The following ARHGAP39 variants were observed in gnomAD, a reference collection of about 807,000 sequenced individuals.
ARHGAP39 encodes the protein Rho GTPase activating protein 39.
In ARHGAP39, 44 loss-of-function variants were observed where a neutral mutation model predicts 106.9. The ratio of observed to expected loss-of-function variants is 0.41; its 90% confidence interval spans 0.32 to 0.53. The LOEUF (loss-of-function observed/expected upper bound fraction) is 0.53. Ranked by LOEUF, ARHGAP39 falls within the 20% of genes least tolerant of loss-of-function variation. The pLI, the probability that ARHGAP39 is intolerant of heterozygous loss-of-function variation, is 0.21. For synonymous variants in ARHGAP39, 768 were observed against 693.2 expected (o/e 1.11, Z -1.69); for missense variants, 1,496 against 1,577.3 (o/e 0.95, Z 0.87).
chr8:144,683,460 T>C (rs949188457), intron 1 of ARHGAP39: 1 of 151,084 alleles, frequency 6.6e-6, no homozygotes, highest in African/African-American at 2.4e-5. Context: ...CGATTCTCTG[T>C]CTCAGCCTCC....
At chr8:144,535,292 A>G (rs1156332500) in intron 7 of ARHGAP39, among the ~76,000 whole-genome samples, 1 of 152,200 alleles carries the variant, frequency 6.6e-6, no homozygotes, top group Admixed American at 6.5e-5. Flanking sequence ...TGTGACTGCT[A>G]AGGAGACTCT....
chr8:144,623,445 GC>G (rs1820855247), intron 1 of ARHGAP39, among the ~76,000 whole-genome samples: 1 of 152,182 alleles, frequency 6.6e-6, no homozygotes, highest in Admixed American at 6.5e-5. Context: ...AAGTATAAGG[GC>G]AGGAAATTCT....
chr8:144,654,399 G>A (rs1291303680), intron 1 of ARHGAP39, among the ~76,000 whole-genome samples: 2 of 152,132 alleles, frequency 1.3e-5, no homozygotes. Flanking sequence ...CAGTTACTCG[G>A]GAGCTGAGGT....
At chr8:144,628,860 C>T (rs1015014436) in intron 1 of ARHGAP39, among the ~76,000 whole-genome samples, 2 of 152,232 alleles carry the variant, frequency 1.3e-5, no homozygotes, top group Non-Finnish European at 2.9e-5. Context: ...CTGGGCGGGA[C>T]TCATGCGATT....
At chr8:144,695,885 G>GCTGCAC in the ARHGAP39 span, among the ~76,000 whole-genome samples, 2 of 152,154 alleles carry the variant, frequency 1.3e-5, no homozygotes, top group African/African-American at 4.8e-5. Context: ...TGCATTCTTG[G>GCTGCAC]ATGTGCTGGG....
At position 144,532,489 on chromosome 8, in the gene ARHGAP39, C is replaced by G. The variant is rs1218980398; in HGVS notation, c.2889-93G>C. On this transcript the variant is annotated intron_variant, in intron 9 of 11. Transcript: ENST00000377307. ...ACTCCCTCCGGTAGGCCCCTGCTGA[C>G]CCGGGGAGGGGAGCAAAACCTCAGG... The G allele has an allele frequency of 2.5e-6, 3 of 1,209,240 alleles. No individual in the cohort carries two copies. In the African/African-American group the frequency reaches 4.5e-5, roughly 18 times the overall value. The allele number at this position is 1,209,240 out of a possible 1,614,324, so 74.9% of individuals were successfully genotyped here. A position where few individuals can be genotyped will look rare whatever the true frequency, so the allele number is the denominator to read the frequency against.
chr8:144,626,664 C>T (rs1820924169), intron 1 of ARHGAP39, among the ~76,000 whole-genome samples: 1 of 152,258 alleles, frequency 6.6e-6, no homozygotes, highest in African/African-American at 2.4e-5. Flanking sequence ...CCAACACCAC[C>T]AGCATCTCTT....
At chr8:144,532,600 G>A (rs550596902) in intron 9 of ARHGAP39, among the ~76,000 whole-genome samples, 1 of 152,312 alleles carries the variant, frequency 6.6e-6, no homozygotes, top group South Asian at 2.1e-4. Flanking sequence ...ACCTGCGTCC[G>A]AGTGTGGTGC....
chr8:144,643,629 C>G (rs1314132475), intron 1 of ARHGAP39, among the ~76,000 whole-genome samples: 1 of 152,116 alleles, frequency 6.6e-6, no homozygotes, highest in Admixed American at 6.5e-5. Context: ...GTCTATGCCT[C>G]CACTCGACTG....
intron 1 of ARHGAP39, among the ~76,000 whole-genome samples, chr8:144,643,988 C>T (rs1215595815): frequency 6.6e-6 from 1 of 152,172 alleles, no homozygotes; most frequent in East Asian, 1.9e-4. Context: ...AGCCCTCGTA[C>T]ACTGCAAGTA....
chr8:144,593,969 G>A (rs555685671), intron 2 of ARHGAP39, among the ~76,000 whole-genome samples: 2 of 151,530 alleles, frequency 1.3e-5, no homozygotes, highest in East Asian at 3.9e-4. Flanking sequence ...CATGCCCGTA[G>A]TCCCAGCTAC....
At chr8:144,620,749 G>C (rs1003261626) in intron 1 of ARHGAP39, among the ~76,000 whole-genome samples, 10 of 152,230 alleles carry the variant, frequency 6.6e-5, no homozygotes, top group Non-Finnish European at 1.5e-4. Flanking sequence ...CCTGAGCACC[G>C]CCTGTGCCCA....
chr8:144,660,745 C>T (rs374038734), intron 1 of ARHGAP39, among the ~76,000 whole-genome samples: 8 of 152,118 alleles, frequency 5.3e-5, no homozygotes, highest in African/African-American at 1.2e-4. Flanking sequence ...TTTGGGAGGC[C>T]GAGGCAGGCA....
In ARHGAP39 at chr8:144,530,475, G is replaced by C; in HGVS notation, c.3292C>G (p.Leu1098Val). ...FENTRKEMSF[L>V]RVLIQHLDTS... ...TCCAGGTGCTGGATGAGCACCCGCA[G>C]GAAGGACATCTCCTTGCGGGTGTTC... is the stretch of plus-strand genomic sequence containing the variant. Residue 1098 changes from leucine to valine, a missense_variant, in exon 12 of 12, where the codon CTG becomes GTG. Transcript: ENST00000377307. 6.2e-7 allele frequency: 1 copy of C among 1,611,546 alleles called. No individual in the cohort carries two copies.
At position 144,542,710 on chromosome 8, in the gene ARHGAP39, G is replaced by A. The variant is rs577956324; in HGVS notation, c.2521+2539C>T. On this transcript the variant is annotated intron_variant, in intron 6 of 11. Transcript: ENST00000377307. ...TCCCAGCACTTTGGGAAACTCAGGT[G>A]GGTGGATCAACTCAGGTCAGCAGTT... 4.7e-5 allele frequency among the ~76,000 whole-genome samples: 7 copies of A among 148,112 alleles called. No homozygotes were observed. In the South Asian group the frequency reaches 1.5e-3, roughly 33 times the overall value.
chr8:144,670,539 T>C lies in ARHGAP39; in HGVS notation c.-82+15147A>G, dbSNP rs528237369. 2.0e-5 allele frequency among the ~76,000 whole-genome samples: 3 copies of C among 152,312 alleles called. No individual in the cohort carries two copies. Among genetic ancestry groups the C allele is most frequent in the African/African-American group, 7.2e-5 (3 of 41,574 alleles). ...GGGCAAGGCTTCAAGAAGACTATTT[T>C]GGGTGGGCTCTTGGTGCAGTCTGGC... On this transcript the variant is annotated intron_variant, in intron 1 of 11. Coordinates refer to ENST00000377307, the MANE Select transcript of ARHGAP39 (RefSeq NM_025251.3). This position sits in a 1 kb window ranked among gnomAD's most constrained non-coding sequence, Gnocchi z 4.4.
chr8:144,548,589 C>T lies in ARHGAP39; in HGVS notation c.597-100G>A, dbSNP rs1395890010. 1 of 1,425,222 alleles carries T rather than the reference C, an allele frequency of 7.0e-7. No homozygotes were observed. The highest frequency in any genetic ancestry group is 1.4e-5 in the African/African-American group (1 of 70,032). 88.3% of individuals were successfully genotyped at this position (1,425,222 alleles called of 1,614,324 possible). ...GTAGGCAGCGGCTCCCGCGAACCCT[C>T]TGTTGTACACCTTCCTCGCTGGGGC... On this transcript the variant is annotated intron_variant, in intron 4 of 11. Transcript: ENST00000377307. This position sits in a 1 kb window ranked among gnomAD's most constrained non-coding sequence, Gnocchi z 7.4.
At chr8:144,572,860 G>A (rs1209658967) in intron 3 of ARHGAP39, among the ~76,000 whole-genome samples, 2 of 152,218 alleles carry the variant, frequency 1.3e-5, no homozygotes, top group Non-Finnish European at 2.9e-5. Flanking sequence ...GCAGCCAACA[G>A]ACACATGAAA....
chr8:144,695,113 G>A, the ARHGAP39 span, among the ~76,000 whole-genome samples: 1 of 139,162 alleles, frequency 7.2e-6, no homozygotes, highest in Admixed American at 7.4e-5. Context: ...CTCCCTCTGT[G>A]GCCCAGGCTG....
Sources: gnomAD v4.1 joint callset for allele counts (sites outside exome capture counted in the v4.1 genomes callset) on GRCh38, gnomAD v4.1.1 for gene constraint, Gnocchi (gnomAD v3.1) non-coding constraint, MANE v1.5 for transcripts, NCBI Gene and HGNC (gene_info 2026-07-23, HGNC 2026-07-21) for gene names.